MICAL2: variants seen among roughly 807,000 people sequenced by gnomAD.
MICAL2 encodes the protein [F-actin]-monooxygenase MICAL2.
A neutral mutation model predicts 127.3 loss-of-function variants in MICAL2; 77 were observed. The observed-to-expected ratio is 0.60, with a 90% CI of 0.50 to 0.73. The LOEUF is 0.73. MICAL2 is among the 30% of genes least tolerant of loss of function. MICAL2 has a pLI of 0.00. For synonymous variants in MICAL2, 570 were observed against 551.1 expected, an observed-to-expected ratio of 1.03 and a Z score of -0.48; for missense variants, 1,351 against 1,434.4, an observed-to-expected ratio of 0.94 and a Z score of 0.94.
chr11:12,176,581 G>T (rs921548784), intron 3 of MICAL2, among the ~76,000 whole-genome samples: 2 of 152,034 alleles, frequency 1.3e-5, no homozygotes. Flanking sequence ...TTCATCCCCA[G>T]AACTTTTTTC....
At chr11:12,262,217 A>G in intron 26 of MICAL2, 8 of 1,353,806 alleles carry the variant, frequency 5.9e-6, no homozygotes, top group Non-Finnish European at 7.6e-6. Flanking sequence ...ACGCTAGAGT[A>G]AAATGGGGGC....
At chr11:12,162,558 GT>G in intron 3 of MICAL2, 139 bp downstream of exon 3, 1 of 1,147,198 alleles carries the variant, frequency 8.7e-7, no homozygotes, top group South Asian at 1.6e-5. Flanking sequence ...TCCGGTAAAG[GT>G]TTCCTTTGTC....
intron 1 of MICAL2, among the ~76,000 whole-genome samples, chr11:12,278,441 C>T (rs756579300): frequency 9.2e-5 from 14 of 152,152 alleles, no homozygotes; most frequent in East Asian, 1.9e-4. Flanking sequence ...ACAAGGGCTG[C>T]GGCGTAAATA....
rs557505891 is a variant in MICAL2, at chr11:12,177,879, C to T, written c.264+15460C>T. The stretch of plus-strand genomic sequence containing the variant: ...GACTCTCCACATTTCTATTTCTGGC[C>T]TGTACCTCTCTCTTGAGCCCCATGA... On this transcript the variant is annotated intron_variant, in intron 3 of 27. Coordinates refer to ENST00000683283, the MANE Select transcript of MICAL2 (RefSeq NM_001282663.2). Among the ~76,000 whole-genome samples the T allele has an allele frequency of 3.9e-5, 6 of 152,308 alleles. No individual in the cohort carries two copies. In the South Asian group the frequency reaches 1.2e-3, roughly 32 times the overall value.
In MICAL2 at chr11:12,173,111, C is replaced by T. The variant is rs149676719; in HGVS notation, c.264+10692C>T. Among the ~76,000 whole-genome samples, 103 of 151,918 alleles carry T rather than the reference C, an allele frequency of 6.8e-4. No individual in the cohort carries two copies. In the East Asian group the frequency reaches 0.016, roughly 24 times the overall value. On this transcript the variant is annotated intron_variant, in intron 3 of 27. Transcript: ENST00000683283. ...TATGCAGCTTCTTAGAAAGATAAAC[C>T]GAGTCTATTATAATTTCAGAGGCTG...
chr11:12,286,150 T>C (rs749314950), intron 2 of MICAL2, among the ~76,000 whole-genome samples: 1 of 151,862 alleles, frequency 6.6e-6, no homozygotes, highest in African/African-American at 2.4e-5. Flanking sequence ...GGCAGAGGGG[T>C]CTTCCACAGG....
At chr11:12,206,560 A>G (rs575129472) in intron 4 of MICAL2, among the ~76,000 whole-genome samples, 1 of 152,210 alleles carries the variant, frequency 6.6e-6, no homozygotes, top group African/African-American at 2.4e-5. Context: ...TGGGCTCTTT[A>G]AGCTGATTGG....
At chr11:12,154,026 A>G (rs1226113043) in intron 2 of MICAL2, among the ~76,000 whole-genome samples, 2 of 152,016 alleles carry the variant, frequency 1.3e-5, no homozygotes, top group African/African-American at 2.4e-5. Context: ...TTTGGGTTGG[A>G]GATTTGGGTT....
At chr11:12,245,430 G>C (rs1022966721) in intron 21 of MICAL2, among the ~76,000 whole-genome samples, 4 of 152,228 alleles carry the variant, frequency 2.6e-5, no homozygotes, top group East Asian at 1.9e-4. Flanking sequence ...TCCCACCCCT[G>C]TTGGCCTCCA....
At chr11:12,260,444 A>G (rs1590694733) in intron 26 of MICAL2, 4 of 1,190,226 alleles carry the variant, frequency 3.4e-6, no homozygotes, top group Non-Finnish European at 4.2e-6. Context: ...AATTTTAATT[A>G]GCCCAGAGAA....
chr11:12,132,988 G>A (rs1018830742), intron 1 of MICAL2, among the ~76,000 whole-genome samples: 5 of 152,218 alleles, frequency 3.3e-5, no homozygotes, highest in African/African-American at 9.7e-5. Flanking sequence ...TCATCTCATG[G>A]CCCATGCTGC....
At chr11:12,204,556 A>T (rs1456763310) in intron 4 of MICAL2, 99 bp downstream of exon 4, 1 of 1,216,308 alleles carries the variant, frequency 8.2e-7, no homozygotes, top group Non-Finnish European at 1.2e-6. Flanking sequence ...GTTCCATCTT[A>T]GTCCCTGGGG....
intron 29 of MICAL2, among the ~76,000 whole-genome samples, chr11:12,313,638 A>C (rs1460038357): frequency 6.6e-6 from 1 of 152,164 alleles, no homozygotes; most frequent in Non-Finnish European, 1.5e-5. Context: ...ATTGGATGTG[A>C]TATTCTATAT....
In MICAL2 at chr11:12,259,828, C is replaced by T. The variant is rs370153662; in HGVS notation, c.3265C>T (p.Arg1089Trp). ...EATWQEQEAP[R>W]RDTPTESSCA... is the part of the protein sequence containing the mutation. ...AACATGGCAAGAGCAGGAAGCCCCT[C>T]GGAGAGACACTCCCACCGAAAGTTC... The change falls in exon 26 of 28, where the codon CGG becomes TGG. Residue 1089 changes from arginine (R) to tryptophan (W), a missense_variant. Arg to Trp is a moderately radical substitution (Grantham distance 101). Transcript: ENST00000683283. 72 of 1,581,598 alleles carry T rather than the reference C, an allele frequency of 4.6e-5. No individual in the cohort carries two copies. The highest frequency in any genetic ancestry group is 1.7e-4 in the Middle Eastern group (1 of 5,932).
At chr11:12,222,344 G>A (rs1235715880) in intron 10 of MICAL2, among the ~76,000 whole-genome samples, 1 of 152,162 alleles carries the variant, frequency 6.6e-6, no homozygotes, top group African/African-American at 2.4e-5. Context: ...AAAACCACAG[G>A]CCACCGTGCT....
At chr11:12,255,532 T>C (rs1225109472) in intron 22 of MICAL2, 111 bp from the exon 23 acceptor site, 20 of 900,176 alleles carry the variant, frequency 2.2e-5, no homozygotes, top group Non-Finnish European at 2.8e-5. Flanking sequence ...GGGGTGCTAT[T>C]TGCATGTGGG....
chr11:12,235,894 C>T (rs915501570), intron 15 of MICAL2, among the ~76,000 whole-genome samples: 8 of 152,214 alleles, frequency 5.3e-5, no homozygotes, highest in African/African-American at 1.9e-4. Flanking sequence ...TTTGATGTTT[C>T]ATGAAGATCT....
chr11:12,329,267 C>G (rs1372934350), intron 32 of MICAL2, among the ~76,000 whole-genome samples: 1 of 152,210 alleles, frequency 6.6e-6, no homozygotes, highest in African/African-American at 2.4e-5. Flanking sequence ...GACTGAGAGT[C>G]ACTGTCCATC....
At chr11:12,349,840 T>G (rs1337703245) in exon 33 of MICAL2, 2 of 1,613,948 alleles carry the variant, frequency 1.2e-6, no homozygotes, top group African/African-American at 1.3e-5. Flanking sequence ...TTAAGCAGAT[T>G]CAGGCACACA....
Sources: gnomAD v4.1 joint callset for allele counts (sites outside exome capture counted in the v4.1 genomes callset) on GRCh38, gnomAD v4.1.1 for gene constraint, MANE v1.5 for transcripts, NCBI Gene and HGNC (gene_info 2026-07-23, HGNC 2026-07-21) for gene names.